Variants in UNC79 observed in about 807,000 individuals in gnomAD.
UNC79 encodes protein unc-79 homolog.
Under a neutral mutation model 283.1 loss-of-function variants are expected in UNC79, and 37 were observed. The ratio of observed to expected loss-of-function variants is 0.13; its 90% CI spans 0.10 to 0.17. UNC79 has a LOEUF of 0.17. UNC79 is among the 10% of genes least tolerant of loss of function. UNC79 has a pLI of 1.00. For missense variants in UNC79, 2,272 were observed against 3,211.1 expected, an observed-to-expected ratio of 0.71 and a Z score of 7.07; for synonymous variants, 1,107 against 1,200.2, an observed-to-expected ratio of 0.92 and a Z score of 1.61.
chr14:93,414,528 A>G (rs1026526846), intron 1 of UNC79, among the ~76,000 whole-genome samples: 3 of 152,176 alleles, frequency 2.0e-5, no homozygotes, highest in African/African-American at 7.2e-5. Context: ...TTGGTGCCAT[A>G]TGAACTTTAA....
At chr14:93,333,254 C>G (rs924014957) in exon 1 of UNC79, 1 of 401,968 alleles carries the variant, frequency 2.5e-6, no homozygotes, top group Non-Finnish European at 4.4e-6. Flanking sequence ...GGCGTCGGGT[C>G]GCTGGGAGTT....
chr14:93,527,794 A>T (rs1267938646), intron 8 of UNC79, among the ~76,000 whole-genome samples: 1 of 152,220 alleles, frequency 6.6e-6, no homozygotes, highest in African/African-American at 2.4e-5. Context: ...AAATTTATGC[A>T]AAGTACAAAA....
chr14:93,559,730 C>T (rs1201093679), intron 14 of UNC79, among the ~76,000 whole-genome samples: 3 of 152,084 alleles, frequency 2.0e-5, no homozygotes, highest in Non-Finnish European at 4.4e-5. Flanking sequence ...AAGGCAGGAA[C>T]CGACCATTTT....
chr14:93,599,746 T>C (rs958906471), intron 24 of UNC79, among the ~76,000 whole-genome samples: 11 of 152,248 alleles, frequency 7.2e-5, no homozygotes, highest in African/African-American at 2.7e-4. Context: ...ATTCCAACTT[T>C]GATTAACATT....
intron 39 of UNC79, among the ~76,000 whole-genome samples, chr14:93,661,432 A>G (rs1035317441): frequency 6.6e-6 from 1 of 152,184 alleles, no homozygotes; most frequent in African/African-American, 2.4e-5. Context: ...TTGAACATGT[A>G]TGACTTTTGA....
At chr14:93,569,454 A>T (rs970460778) in intron 14 of UNC79, among the ~76,000 whole-genome samples, 5 of 152,310 alleles carry the variant, frequency 3.3e-5, no homozygotes, top group South Asian at 2.1e-4. Flanking sequence ...AATAAAAAAT[A>T]AAAAATAAGA....
At chr14:93,393,959 A>G (rs2054936992) in intron 1 of UNC79, among the ~76,000 whole-genome samples, 1 of 151,314 alleles carries the variant, frequency 6.6e-6, no homozygotes, top group Non-Finnish European at 1.5e-5. Context: ...CTCCCATTCA[A>G]ACTCCATTCC....
intron 1 of UNC79, among the ~76,000 whole-genome samples, chr14:93,433,140 ATTAAC>A (rs1331704230): frequency 2.0e-5 from 3 of 152,206 alleles, no homozygotes; most frequent in East Asian, 3.8e-4. Context: ...ACACGGGGCA[ATTAAC>A]TTAATAGTTT....
At chr14:93,691,642 T>C in intron 45 of UNC79, 107 bp from the exon 49 acceptor site, 1 of 1,138,090 alleles carries the variant, frequency 8.8e-7, no homozygotes. Flanking sequence ...TATGCCTTTG[T>C]GCTTCCCCTG....
chr14:93,635,192 T>C (rs1461090119), intron 31 of UNC79, among the ~76,000 whole-genome samples: 1 of 152,204 alleles, frequency 6.6e-6, no homozygotes, highest in East Asian at 1.9e-4. Flanking sequence ...TTGACTGCCA[T>C]GACATGTCTA....
At chr14:93,424,376 T>C (rs2055677273) in intron 1 of UNC79, among the ~76,000 whole-genome samples, 1 of 152,084 alleles carries the variant, frequency 6.6e-6, no homozygotes, top group Non-Finnish European at 1.5e-5. Context: ...CCCAAAGTAA[T>C]GGAAAGCATT....
intron 1 of UNC79, among the ~76,000 whole-genome samples, chr14:93,406,120 AC>A (rs574472794): frequency 1.4e-3 from 206 of 152,348 alleles, no homozygotes; most frequent in African/African-American, 4.8e-3. Context: ...TTTACAGGCT[AC>A]TATAGCTTTG....
intron 1 of UNC79, among the ~76,000 whole-genome samples, chr14:93,372,522 A>T (rs189428552): frequency 6.6e-6 from 1 of 152,342 alleles, no homozygotes; most frequent in African/African-American, 2.4e-5. Flanking sequence ...AGGAGTAGCT[A>T]TGTTAATTTC....
intron 20 of UNC79, 135 bp from the exon 21 acceptor site, chr14:93,586,461 A>G (rs986663516): frequency 3.1e-5 from 21 of 683,116 alleles, no homozygotes; most frequent in African/African-American, 2.2e-4. Context: ...TGGAGAGCAG[A>G]TAAAAAGTTT....
chr14:93,689,013 T>A, intron 44 of UNC79, 173 bp downstream of exon 47: 1 of 673,330 alleles, frequency 1.5e-6, no homozygotes, highest in South Asian at 4.4e-5. Flanking sequence ...TGACCCAGAA[T>A]GCTCTTTGAC....
intron 14 of UNC79, among the ~76,000 whole-genome samples, chr14:93,543,650 T>A (rs1192228339): frequency 2.0e-5 from 3 of 152,206 alleles, no homozygotes; most frequent in Admixed American, 2.0e-4. Flanking sequence ...TATACAGGCA[T>A]GAGCTGCTGT....
At chr14:93,496,530 G>A (rs1221256701) in intron 6 of UNC79, 64 bp downstream of exon 6, 2 of 1,171,244 alleles carry the variant, frequency 1.7e-6, no homozygotes, top group Admixed American at 2.8e-5. Context: ...AGTAAAAACT[G>A]TTTACGTATT....
At chr14:93,558,116 C>T (rs1170255786) in intron 14 of UNC79, among the ~76,000 whole-genome samples, 1 of 152,194 alleles carries the variant, frequency 6.6e-6, no homozygotes, top group Admixed American at 6.5e-5. Flanking sequence ...CTGGCTCAAA[C>T]AGCAGACTTA....
intron 5 of UNC79, among the ~76,000 whole-genome samples, chr14:93,491,271 A>G (rs149612840): frequency 2.0e-5 from 3 of 152,192 alleles, no homozygotes; most frequent in Non-Finnish European, 4.4e-5. Context: ...TTCTTTAAGT[A>G]TGAAATCTCT....
Sources: gnomAD v4.1 joint callset for allele counts (sites outside exome capture counted in the v4.1 genomes callset) on GRCh38, gnomAD v4.1.1 for gene constraint, MANE v1.5 for transcripts, NCBI Gene and HGNC (gene_info 2026-07-23, HGNC 2026-07-21) for gene names.